The following OR5P3 variants were observed in gnomAD, a reference collection of about 807,000 sequenced individuals.
OR5P3 encodes the protein olfactory receptor 5P3.
For synonymous variants in OR5P3, 172 were observed against 141.8 expected, an observed-to-expected ratio of 1.21 and a Z score of -1.51; for missense variants, 415 against 375.6, an observed-to-expected ratio of 1.10 and a Z score of -0.87.
At chr11:7,826,263 C>A (rs1173923476) in intron 1 of OR5P3, among the ~76,000 whole-genome samples, 1 of 151,714 alleles carries the variant, frequency 6.6e-6, no homozygotes, top group Non-Finnish European at 1.5e-5. Context: ...GCTCTCTGAG[C>A]ACATTTCAGA....
At chr11:7,830,317 A>G (rs1857796078) in intron 1 of OR5P3, among the ~76,000 whole-genome samples, 1 of 152,214 alleles carries the variant, frequency 6.6e-6, no homozygotes, top group Non-Finnish European at 1.5e-5. Flanking sequence ...ACTGATCAAT[A>G]TCATGCTATG....
chr11:7,827,958 T>G (rs577279340), intron 1 of OR5P3, among the ~76,000 whole-genome samples: 1 of 152,188 alleles, frequency 6.6e-6, no homozygotes, highest in East Asian at 1.9e-4. Flanking sequence ...TGCGGAGACA[T>G]GATGCTAGCC....
rs1857725493 is a variant in OR5P3 at position 7,825,491 on chromosome 11, C to T, written c.482G>A (p.Gly161Asp). The T allele has an allele frequency of 6.2e-7, 1 of 1,613,108 alleles. No individual in the cohort carries two copies. The highest frequency in any genetic ancestry group is 1.1e-5 in the South Asian group (1 of 91,084). ...GGCVNAWTFI[G>D]CLLRLSFCGP... is the part of the protein sequence containing the mutation. ...ACAGAAGGACAGTCTTAATAAGCAG[C>T]CAATGAATGTCCAAGCATTCACACA... Residue 161 changes from glycine to aspartate, a missense_variant, in exon 2 of 2, where the codon GGC (glycine) becomes GAC (aspartate). By Grantham distance (94) the Gly-to-Asp change is moderately conservative (BLOSUM62 -1). Coordinates refer to ENST00000641167, the MANE Select transcript of OR5P3 (RefSeq NM_153445.2).
rs756572959 is a variant in OR5P3, at chr11:7,825,663, C to T, written c.310G>A (p.Val104Ile). The change falls in exon 2 of 2, where the codon GTA becomes ATA. Residue 104 changes from valine to isoleucine, a missense_variant. Transcript: ENST00000641167. Reference protein sequence around the residue: ...VAGCVAQLCSVVTFGTAECFL... With the variant: ...VAGCVAQLCSIVTFGTAECFL... ...CACTCGGCCGTACCAAACGTCACTACAGAACAGAGCTGGGCCACACAACCA... is the reference window on the plus strand; with the variant it reads ...CACTCGGCCGTACCAAACGTCACTATAGAACAGAGCTGGGCCACACAACCA... 1.2e-6 allele frequency: 2 copies of T among 1,613,070 alleles called. No individual in the cohort carries two copies. The highest frequency in any genetic ancestry group is 4.5e-5 in the East Asian group (2 of 44,872).
chr11:7,829,244 G>T (rs1304276851), intron 1 of OR5P3, among the ~76,000 whole-genome samples: 1 of 152,116 alleles, frequency 6.6e-6, no homozygotes, highest in Non-Finnish European at 1.5e-5. Flanking sequence ...ACAAAAATAG[G>T]GTTGCTGATA....
chr11:7,825,846 T>A lies in OR5P3; in HGVS notation c.127A>T (p.Ile43Phe), dbSNP rs1294601433. ...GIYVVTLMGN[I>F]SIIVLIRRSH... Reference sequence around the variant, plus strand: ...CTTCTGATCAATACAATTATGCTGATATTACCCATTAAGGTGACAACATAA... The same window carrying A: ...CTTCTGATCAATACAATTATGCTGAAATTACCCATTAAGGTGACAACATAA... The change falls in exon 2 of 2, where the codon ATC becomes TTC. Residue 43 changes from isoleucine to phenylalanine, a missense_variant. By Grantham distance (21) the Ile-to-Phe change is conservative. Transcript: ENST00000641167. 2 of 1,612,310 alleles carry A rather than the reference T, an allele frequency of 1.2e-6. No homozygotes were observed. The highest frequency in any genetic ancestry group is 1.6e-4 in the Middle Eastern group (1 of 6,078).
Position 7,825,442 on chromosome 11 carries a change from A to G in OR5P3, c.531T>C (p.Phe177=). The G allele has an allele frequency of 6.2e-7, 1 of 1,613,336 alleles. No homozygotes were observed. Among genetic ancestry groups the G allele is most frequent in the Non-Finnish European group, 8.5e-7 (1 of 1,180,046 alleles). The part of the protein sequence containing the change: ...SFCGPNKVNH[F]FCDYSPLLKL... ...TCAAAAGTGGTGAATAGTCACAGAAAAAGTGATTGACTTTATTTGGCCCAC... is the reference window on the plus strand; with the variant it reads ...TCAAAAGTGGTGAATAGTCACAGAAGAAGTGATTGACTTTATTTGGCCCAC... The change falls in exon 2 of 2, where the codon TTT becomes TTC. Residue 177 remains phenylalanine (F), a synonymous_variant. Transcript: ENST00000641167.
At chr11:7,827,287 C>A (rs1234017294) in intron 1 of OR5P3, among the ~76,000 whole-genome samples, 1 of 152,044 alleles carries the variant, frequency 6.6e-6, no homozygotes, top group East Asian at 1.9e-4. Flanking sequence ...ATAAATAATA[C>A]ATTTACTCTT....
intron 1 of OR5P3, among the ~76,000 whole-genome samples, chr11:7,830,174 T>TTC (rs747589967): frequency 8.5e-5 from 13 of 152,132 alleles, no homozygotes; most frequent in Admixed American, 8.5e-4. Context: ...TGCTGTCTCT[T>TTC]TCTCTCTCTC....
In OR5P3 at chr11:7,825,518, C is replaced by T. The variant is rs144833689; in HGVS notation, c.455G>A (p.Gly152Glu). Reference sequence around the variant, plus strand: ...AATGAATGTCCAAGCATTCACACATCCACCCAGGTAGGACATGCCCACTAA... The same window carrying T: ...AATGAATGTCCAAGCATTCACACATTCACCCAGGTAGGACATGCCCACTAA... ...IILVGMSYLG[G>E]CVNAWTFIGC... Residue 152 changes from glycine (G) to glutamate (E), a missense_variant, in exon 2 of 2, where the codon GGA (glycine) becomes GAA (glutamate). Coordinates refer to ENST00000641167, the MANE Select transcript of OR5P3 (RefSeq NM_153445.2). The T allele has an allele frequency of 6.2e-7, 1 of 1,613,274 alleles. No homozygotes were observed. Among genetic ancestry groups the T allele is most frequent in the Non-Finnish European group, 8.5e-7 (1 of 1,180,028 alleles).
chr11:7,825,191 A>C lies in OR5P3; in HGVS notation c.782T>G (p.Met261Arg). 6.2e-7 allele frequency: 1 copy of C among 1,610,790 alleles called. No homozygotes were observed. The highest frequency in any genetic ancestry group is 8.5e-7 in the Non-Finnish European group (1 of 1,180,024). ...FYGTITFIYV[M>R]PKSSYSTDQN... ...GTCAGTTGAGTAGCTGGACTTGGGCATCACATAAATGAAGGTAATGGTCCC... is the reference window on the plus strand; with the variant it reads ...GTCAGTTGAGTAGCTGGACTTGGGCCTCACATAAATGAAGGTAATGGTCCC... Residue 261 changes from methionine (M) to arginine (R), a missense_variant, in exon 2 of 2, where the codon ATG (methionine) becomes AGG (arginine). Coordinates refer to ENST00000641167, the MANE Select transcript of OR5P3 (RefSeq NM_153445.2).
Position 7,825,752 on chromosome 11 carries a change from G to A in OR5P3, c.221C>T (p.Ser74Phe), listed in dbSNP as rs750787360. 3.7e-6 allele frequency: 6 copies of A among 1,613,234 alleles called. 1 individual carries two copies. In the Admixed American group the frequency reaches 8.3e-5, roughly 22 times the overall value. Residue 74 changes from serine to phenylalanine, a missense_variant, in exon 2 of 2, where the codon TCC becomes TTC. Transcript: ENST00000641167. ...GAGCATGACAGGTGTGACTGATGAG[G>A]AGTACCCAATGTCTACAAAGGCCAA... ...CHLAFVDIGY[S>F]SSVTPVMLMS...
intron 1 of OR5P3, among the ~76,000 whole-genome samples, chr11:7,826,847 A>G (rs768315257): frequency 6.6e-6 from 1 of 152,178 alleles, no homozygotes; most frequent in African/African-American, 2.4e-5. Context: ...ACAGAACACA[A>G]ATATCCAGCC....
At chr11:7,830,733 T>G (rs1258743377) in intron 1 of OR5P3, 91 bp downstream of exon 1, 1 of 152,214 alleles carries the variant, frequency 6.6e-6, no homozygotes, top group Non-Finnish European at 1.5e-5. Context: ...GTTCAACAAA[T>G]GATTATTTCC....
At chr11:7,826,850 AT>A (rs1000535663) in intron 1 of OR5P3, among the ~76,000 whole-genome samples, 9 of 152,170 alleles carry the variant, frequency 5.9e-5, no homozygotes, top group African/African-American at 2.2e-4. Flanking sequence ...GAACACAAAT[AT>A]CCAGCCCTAT....
chr11:7,826,265 C>G (rs1358471300), intron 1 of OR5P3, among the ~76,000 whole-genome samples: 1 of 151,722 alleles, frequency 6.6e-6, no homozygotes, highest in Non-Finnish European at 1.5e-5. Flanking sequence ...TCTCTGAGCA[C>G]ATTTCAGAGA....
In OR5P3 at chr11:7,825,616, G is replaced by A. The variant is rs1415529524; in HGVS notation, c.357C>T (p.Ala119=). ...AGCAGATGGCCACATAGCGATCATA[G>A]GCCATGGCAGCCAGCAGGAAGCACT... ...TAECFLLAAM[A]YDRYVAICSP... The change falls in exon 2 of 2, where the codon GCC becomes GCT. Residue 119 remains alanine, a synonymous_variant. Transcript: ENST00000641167. 1.9e-6 allele frequency: 3 copies of A among 1,613,092 alleles called. No individual in the cohort carries two copies. Among genetic ancestry groups the A allele is most frequent in the South Asian group, 1.1e-5 (1 of 91,084 alleles).
intron 1 of OR5P3, among the ~76,000 whole-genome samples, chr11:7,827,501 G>A (rs1301627116): frequency 6.6e-6 from 1 of 152,080 alleles, no homozygotes; most frequent in African/African-American, 2.4e-5. Flanking sequence ...GCAACGAAAG[G>A]GACAGATATG....
In OR5P3 at chr11:7,825,397, AT is replaced by A; in HGVS notation, c.575del (p.Asp192ValfsTer6). 4.3e-6 allele frequency: 7 copies of A among 1,613,206 alleles called. No individual in the cohort carries two copies. The highest frequency in any genetic ancestry group is 5.9e-6 in the Non-Finnish European group (7 of 1,180,026). ...TAGCTGGAATTATTTCAAAAGTAAAATCATGGGAACAAGCAAGCTTCAAAAG... is the reference window on the plus strand; with the variant it reads ...TAGCTGGAATTATTTCAAAAGTAAAACATGGGAACAAGCAAGCTTCAAAAG... ...SPLLKLACSH[D>X]FTFEIIPAIS... On this transcript the variant is annotated frameshift_variant, in exon 2 of 2. Transcript: ENST00000641167. LOFTEE classifies it low-confidence loss of function (END_TRUNC).
Sources: gnomAD v4.1 joint callset for allele counts (sites outside exome capture counted in the v4.1 genomes callset) on GRCh38, gnomAD v4.1.1 for gene constraint, MANE v1.5 for transcripts, NCBI Gene and HGNC (gene_info 2026-07-23, HGNC 2026-07-21) for gene names.